Variants in APOB observed in about 807,000 individuals in gnomAD.
The protein encoded by APOB is apolipoprotein B.
In APOB, 153 loss-of-function variants were observed where a neutral mutation model predicts 314.1. The ratio of observed to expected loss-of-function variants is 0.49; its 90% CI spans 0.43 to 0.56. The LOEUF is 0.56. Among genes scored for constraint, APOB ranks in the 20% least tolerant of loss-of-function variants. The pLI is 0.00. For synonymous variants in APOB, 2,087 were observed against 2,036.4 expected (o/e 1.02, Z -0.67); for missense variants, 5,430 against 5,350.7 (o/e 1.01, Z -0.46).
Position 21,015,926 on chromosome 2 carries a change from T to A in APOB, c.3333-381A>T, listed in dbSNP as rs140225127. Among the ~76,000 whole-genome samples the A allele has an allele frequency of 4.2e-3, 632 of 152,274 alleles. 2 individuals carry two copies. Among genetic ancestry groups the A allele is most frequent in the African/African-American group, 0.014 (579 of 41,548 alleles). ...TTCTTTAAAGCACCCAGCACTGTGC[T>A]TGATACATGAATAGTAAGTGCCTGA... On this transcript the variant is annotated intron_variant, in intron 21 of 28. Coordinates refer to ENST00000233242, the MANE Select transcript of APOB (RefSeq NM_000384.3).
Position 21,011,788 on chromosome 2 carries a change from T to C in APOB, c.5080A>G (p.Asn1694Asp). Residue 1694 changes from asparagine (N) to aspartate (D), a missense_variant, in exon 26 of 29, where the codon AAT (asparagine) becomes GAT (aspartate). Physicochemically the swap from Asn to Asp is conservative, Grantham distance 23. Coordinates refer to ENST00000233242, the MANE Select transcript of APOB (RefSeq NM_000384.3). ...TTCCCATCCAGACTGAATTTTGCAT[T>C]GTGTTCCCTGAAGCGGCCATTTGTT... ...LTTNGRFREH[N>D]AKFSLDGKAA... is the part of the protein sequence containing the mutation. 1 of 1,614,094 alleles carries C rather than the reference T, an allele frequency of 6.2e-7. No individual in the cohort carries two copies.
In APOB at chr2:21,022,919, C is replaced by G. The variant is rs747610107; in HGVS notation, c.2728G>C (p.Gly910Arg). Residue 910 changes from glycine to arginine, a missense_variant, in exon 18 of 29, where the codon GGT becomes CGT. Gly to Arg is a moderately radical substitution (Grantham distance 125). Around this residue, in one of 3 missense-constraint regions of APOB, gnomAD observed 2,085 missense variants for 2,079.7 expected, o/e 1.00. Coordinates refer to ENST00000233242, the MANE Select transcript of APOB (RefSeq NM_000384.3). ...TTTAGGGCAACATGAGCCTCCAGACCCGACTCGTGGAAGAAGTTGGTGTTC... is the reference window on the plus strand; with the variant it reads ...TTTAGGGCAACATGAGCCTCCAGACGCGACTCGTGGAAGAAGTTGGTGTTC... ...QMNTNFFHES[G>R]LEAHVALKAG... The G allele has an allele frequency of 1.2e-6, 2 of 1,614,128 alleles. No individual in the cohort carries two copies. The highest frequency in any genetic ancestry group is 1.7e-6 in the Non-Finnish European group (2 of 1,180,018).
rs551196555 is a variant in APOB at position 21,018,321 on chromosome 2, G to A, written c.3121+671C>T. Among the ~76,000 whole-genome samples the A allele has an allele frequency of 4.6e-5, 7 of 152,216 alleles. 1 individual carries two copies. The highest frequency in any genetic ancestry group is 1.7e-4 in the African/African-American group (7 of 41,520). On this transcript the variant is annotated intron_variant, in intron 20 of 28. Transcript: ENST00000233242. ...ACATAAACATAAATCAAATCATGAG[G>A]ACTCCCCAATGGCTTTCGTTTAATT...
chr2:21,015,528 T>C lies in APOB; in HGVS notation c.3350A>G (p.Glu1117Gly). ...MGHLSCDTKE[E>G]RKIKGVISIP... Reference sequence around the variant, plus strand: ...GGAAATAACACCCTTGATTTTTCTTTCTTCCTTTGTGTCACAACTATGGTA... The same window carrying C: ...GGAAATAACACCCTTGATTTTTCTTCCTTCCTTTGTGTCACAACTATGGTA... The change falls in exon 22 of 29, where the codon GAA becomes GGA. Residue 1117 changes from glutamate (E) to glycine (G), a missense_variant. Glu to Gly is a moderately conservative substitution (Grantham distance 98). Transcript: ENST00000233242. 1 of 1,613,388 alleles carries C rather than the reference T, an allele frequency of 6.2e-7. No individual in the cohort carries two copies. The highest frequency in any genetic ancestry group is 8.5e-7 in the Non-Finnish European group (1 of 1,180,024).
At position 21,010,099 on chromosome 2, in the gene APOB, G is replaced by T; in HGVS notation, c.6769C>A (p.Gln2257Lys). The change falls in exon 26 of 29, where the codon CAA (glutamine) becomes AAA (lysine). Residue 2257 changes from glutamine (Q) to lysine (K), a missense_variant. Around this residue, in one of 3 missense-constraint regions of APOB, gnomAD observed 3,281 missense variants for 3,171.0 expected, o/e 1.03. Coordinates refer to ENST00000233242, the MANE Select transcript of APOB (RefSeq NM_000384.3). The part of the protein sequence containing the change: ...SWIQNVDTKY[Q>K]IRIQIQEKLQ... ...TTTTCTTGTATCTGGATTCTGATTT[G>T]GTACTTAGTATCCACATTTTGAATC... 1 of 1,612,776 alleles carries T rather than the reference G, an allele frequency of 6.2e-7. No homozygotes were observed.
In APOB at chr2:21,008,132, T is replaced by A. The variant is rs1465722009; in HGVS notation, c.8736A>T (p.Thr2912=). 3.1e-6 allele frequency: 5 copies of A among 1,613,952 alleles called. No individual in the cohort carries two copies. The highest frequency in any genetic ancestry group is 3.3e-5 in the Admixed American group (2 of 59,992). The stretch of plus-strand genomic sequence containing the variant: ...ATGCTATGTGGCCAGCTTTCAACAG[T>A]GTCTTGATCTCGTTGCGCAGGTCAG... ...SQADLRNEIK[T]LLKAGHIAWT... is the part of the protein sequence containing the mutation. The change falls in exon 26 of 29, where the codon ACA becomes ACT. Residue 2912 remains threonine (T), a synonymous_variant. Coordinates refer to ENST00000233242, the MANE Select transcript of APOB (RefSeq NM_000384.3).
chr2:21,020,627 A>G (rs1322002811), intron 18 of APOB, among the ~76,000 whole-genome samples: 3 of 152,234 alleles, frequency 2.0e-5, no homozygotes, highest in East Asian at 3.8e-4. Flanking sequence ...AGATGATGGC[A>G]CCTTCCTTCC....
At chr2:21,033,199 A>C (rs1663922194) in intron 9 of APOB, 100 bp downstream of exon 9, 1 of 862,452 alleles carries the variant, frequency 1.2e-6, no homozygotes, top group South Asian at 1.4e-5. Context: ...AACTGGATTG[A>C]TATCCAAATG....
At chr2:21,019,972 C>T (rs1482082717) in intron 18 of APOB, 67 bp from the exon 19 acceptor site, 11 of 1,516,426 alleles carry the variant, frequency 7.3e-6, no homozygotes, top group Non-Finnish European at 9.2e-6. Flanking sequence ...CACAAATTCT[C>T]AGGGTGCAAA....
chr2:21,016,116 T>C (rs1204089602), intron 21 of APOB, among the ~76,000 whole-genome samples: 1 of 152,044 alleles, frequency 6.6e-6, no homozygotes, highest in Non-Finnish European at 1.5e-5. Context: ...GGTGAAACCC[T>C]GTCTCTACTA....
intron 4 of APOB, among the ~76,000 whole-genome samples, chr2:21,039,982 G>C (rs894710094): frequency 6.6e-6 from 1 of 152,168 alleles, no homozygotes; most frequent in Admixed American, 6.5e-5. Flanking sequence ...CCCAAATTTC[G>C]TCTCGTAGCT....
At position 21,023,596 on chromosome 2, in the gene APOB, G is replaced by A. The variant is rs1377385970; in HGVS notation, c.2533C>T (p.Gln845Ter). 1 of 1,614,208 alleles carries A rather than the reference G, an allele frequency of 6.2e-7. No individual in the cohort carries two copies. The highest frequency in any genetic ancestry group is 8.5e-7 in the Non-Finnish European group (1 of 1,180,044). The change falls in exon 17 of 29, where the codon CAG becomes TAG. Residue 845 changes from glutamine (Q) to a stop codon, truncating the protein, a stop_gained. Coordinates refer to ENST00000233242, the MANE Select transcript of APOB (RefSeq NM_000384.3). LOFTEE classifies it high-confidence loss of function. ...AFELPTGAGL[Q>*]LQISSSGVIA... is the part of the protein sequence containing the mutation. ...ACTCCAGATGAAGATATTTGCAACTGTAATCCAGCTCCAGTGGGGAGTTCA... is the reference window on the plus strand; with the variant it reads ...ACTCCAGATGAAGATATTTGCAACTATAATCCAGCTCCAGTGGGGAGTTCA...
chr2:21,026,909 T>C lies in APOB; in HGVS notation c.2123A>G (p.Gln708Arg), dbSNP rs371190827. ...EPTLEALFGK[Q>R]GFFPDSVNKA... is the part of the protein sequence containing the mutation. Reference sequence around the variant, plus strand: ...GTTGACACTGTCTGGGAAAAATCCTTGCTTCCCAAAAAGAGCTTCCAATGT... The same window carrying C: ...GTTGACACTGTCTGGGAAAAATCCTCGCTTCCCAAAAAGAGCTTCCAATGT... Residue 708 changes from glutamine (Q) to arginine (R), a missense_variant, in exon 15 of 29, where the codon CAA becomes CGA. Around this residue, in one of 3 missense-constraint regions of APOB, gnomAD observed 2,085 missense variants for 2,079.7 expected, o/e 1.00. Coordinates refer to ENST00000233242, the MANE Select transcript of APOB (RefSeq NM_000384.3). The C allele has an allele frequency of 7.2e-5, 116 of 1,614,060 alleles. No homozygotes were observed. The highest frequency in any genetic ancestry group is 3.5e-4 in the Admixed American group (21 of 60,004).
In APOB at chr2:21,013,165, A is replaced by G; in HGVS notation, c.4211T>C (p.Val1404Ala). 6.2e-7 allele frequency: 1 copy of G among 1,613,776 alleles called. No individual in the cohort carries two copies. ...DSVVDLLSYN[V>A]QGSGETTYDH... The stretch of plus-strand genomic sequence containing the variant: ...TTTACCTGAGCATAGCTCACCTTGC[A>G]CATTGTAGGAAAGCAGGTCAACCAC... The change falls in exon 25 of 29, where the codon GTG becomes GCG. Residue 1404 changes from valine to alanine, a missense_variant. By Grantham distance (64) the Val-to-Ala change is moderately conservative. Coordinates refer to ENST00000233242, the MANE Select transcript of APOB (RefSeq NM_000384.3).
rs569483925 is a variant in APOB at position 21,039,195 on chromosome 2, C to T, written c.384-1084G>A. On this transcript the variant is annotated intron_variant, in intron 4 of 28. Transcript: ENST00000233242. ...GATATTGCCTGATGGCTCTCGTTTC[C>T]ACCAGCAGCTCAGGACAGCACACTT... Among the ~76,000 whole-genome samples the T allele has an allele frequency of 7.2e-5, 11 of 152,348 alleles. No individual in the cohort carries two copies. In the South Asian group the frequency reaches 2.3e-3, roughly 32 times the overall value.
chr2:21,040,864 C>T lies in APOB; in HGVS notation c.383+74G>A. 2 of 1,535,278 alleles carry T rather than the reference C, an allele frequency of 1.3e-6. 1 individual carries two copies. Among genetic ancestry groups the T allele is most frequent in the South Asian group, 2.3e-5 (2 of 88,594 alleles). On this transcript the variant is annotated intron_variant, in intron 4 of 28. Coordinates refer to ENST00000233242, the MANE Select transcript of APOB (RefSeq NM_000384.3). ...ACAAATACTTACAGTCACATCCGTG[C>T]CTGGTGCAAACACACAAGTTCATAC...
rs1193764023 is a variant in APOB, at chr2:21,011,344, T to C, written c.5524A>G (p.Ile1842Val). 1.9e-6 allele frequency: 3 copies of C among 1,614,180 alleles called. No individual in the cohort carries two copies. Among genetic ancestry groups the C allele is most frequent in the South Asian group, 1.1e-5 (1 of 91,078 alleles). ...CTTGCTGATAAGGCAGCAGAAGAGA[T>C]GGCATAGATGTGTTTTATTTCATTA... ...QNNEIKHIYA[I>V]SSAALSASYK... Residue 1842 changes from isoleucine (I) to valine (V), a missense_variant, in exon 26 of 29, where the codon ATC (isoleucine) becomes GTC (valine). Around this residue, in one of 3 missense-constraint regions of APOB, gnomAD observed 3,281 missense variants for 3,171.0 expected, o/e 1.03. Coordinates refer to ENST00000233242, the MANE Select transcript of APOB (RefSeq NM_000384.3).
Position 21,009,843 on chromosome 2 carries a change from T to G in APOB, c.7025A>C (p.His2342Pro). 1 of 1,614,080 alleles carries G rather than the reference T, an allele frequency of 6.2e-7. No individual in the cohort carries two copies. Among genetic ancestry groups the G allele is most frequent in the Non-Finnish European group, 8.5e-7 (1 of 1,179,968 alleles). ...TACTTCATACCTCTCGATTAACTCA[T>G]GGACTTTGGCTCTGAAGGCATTGAT... Reference protein sequence around the residue: ...EKINAFRAKVHELIERYEVDQ... With the variant: ...EKINAFRAKVPELIERYEVDQ... The change falls in exon 26 of 29, where the codon CAT becomes CCT. Residue 2342 changes from histidine (H) to proline (P), a missense_variant. Coordinates refer to ENST00000233242, the MANE Select transcript of APOB (RefSeq NM_000384.3).
At chr2:21,037,055 G>A (rs1281546536) in intron 6 of APOB, 45 bp downstream of exon 6, 1 of 1,612,848 alleles carries the variant, frequency 6.2e-7, no homozygotes. Context: ...GTATTAATAA[G>A]AGGATGCTCC....
Sources: allele counts gnomAD v4.1 joint callset (sites outside exome capture counted in the v4.1 genomes callset), GRCh38; gene constraint gnomAD v4.1.1; regional missense constraint gnomAD v4.1.1; transcripts MANE v1.5; gene names NCBI Gene and HGNC (gene_info 2026-07-23, HGNC 2026-07-21).